Variants in ANKIB1 observed in about 807,000 individuals in gnomAD.
ANKIB1 encodes the protein ankyrin repeat and IBR domain containing 1, also known as ankyrin repeat and IBR domain-containing protein 1.
Under a neutral mutation model 122.1 loss-of-function variants are expected in ANKIB1, and 43 were observed. The observed-to-expected ratio is 0.35, with a 90% CI of 0.28 to 0.45. ANKIB1 has a LOEUF of 0.45. Among genes scored for constraint, ANKIB1 ranks in the 20% least tolerant of loss-of-function variants. ANKIB1 has a pLI of 1.00. For synonymous variants in ANKIB1, 390 were observed against 442.0 expected (o/e 0.88, Z 1.48); for missense variants, 992 against 1,329.5 (o/e 0.75, Z 3.95).
In ANKIB1 at chr7:92,307,557, C is replaced by T; in HGVS notation, c.387C>T (p.Asp129=). The change falls in exon 3 of 20, where the codon GAC becomes GAT. Residue 129 remains aspartate (D), a synonymous_variant. Coordinates refer to ENST00000265742, the MANE Select transcript of ANKIB1 (RefSeq NM_019004.2). The stretch of plus-strand genomic sequence containing the variant: ...TAAAATGGAAAGGAGCAAAACTTGA[C>T]CAGGGTGAATATGAGAGAGCAGCTA... ...MILKWKGAKL[D]QGEYERAAID... is the part of the protein sequence containing the mutation. 1 of 1,613,636 alleles carries T rather than the reference C, an allele frequency of 6.2e-7. No homozygotes were observed. The highest frequency in any genetic ancestry group is 8.5e-7 in the Non-Finnish European group (1 of 1,179,854).
intron 18 of ANKIB1, among the ~76,000 whole-genome samples, chr7:92,397,119 T>G (rs1804914994): frequency 6.6e-6 from 1 of 152,164 alleles, no homozygotes; most frequent in Non-Finnish European, 1.5e-5. Context: ...TTATTAGTTA[T>G]TGCTTAACAA....
At chr7:92,356,151 C>A (rs1803808209) in intron 9 of ANKIB1, among the ~76,000 whole-genome samples, 1 of 152,116 alleles carries the variant, frequency 6.6e-6, no homozygotes, top group Non-Finnish European at 1.5e-5. Context: ...TCAATACCTA[C>A]TTCTTTATTC....
chr7:92,358,364 A>G (rs916493646), intron 9 of ANKIB1, among the ~76,000 whole-genome samples: 11 of 152,108 alleles, frequency 7.2e-5, no homozygotes, highest in African/African-American at 2.7e-4. Flanking sequence ...AACTGTACCA[A>G]CCAGTTATAA....
intron 15 of ANKIB1, 82 bp downstream of exon 15, chr7:92,390,198 TTTAATGTGGA>T: frequency 9.4e-7 from 1 of 1,066,494 alleles, no homozygotes; most frequent in Non-Finnish European, 1.3e-6. Context: ...ACTTGTTTTA[TTTAATGTGGA>T]CATGATTACT....
At chr7:92,380,050 C>G (rs1323443181) in intron 11 of ANKIB1, among the ~76,000 whole-genome samples, 1 of 152,212 alleles carries the variant, frequency 6.6e-6, no homozygotes, top group East Asian at 1.9e-4. Flanking sequence ...ATAAACACTG[C>G]TCTTTTCCAA....
Position 92,295,061 on chromosome 7 carries a change from C to G in ANKIB1, c.83C>G (p.Pro28Arg). 6.2e-7 allele frequency: 1 copy of G among 1,600,330 alleles called. No individual in the cohort carries two copies. The highest frequency in any genetic ancestry group is 8.5e-7 in the Non-Finnish European group (1 of 1,173,192). The change falls in exon 2 of 20, where the codon CCT (proline) becomes CGT (arginine). Residue 28 changes from proline to arginine, a missense_variant. By Grantham distance (103) the Pro-to-Arg change is moderately radical. Around this residue, in one of 4 missense-constraint regions of ANKIB1, gnomAD observed 54 missense variants for 112.3 expected, o/e 0.48. Coordinates refer to ENST00000265742, the MANE Select transcript of ANKIB1 (RefSeq NM_019004.2). ...NLACQIYENN[P>R]QLKESLDPNT... ...GCCTGCCAAATATATGAAAACAATC[C>G]TCAGCTAAAAGAATCTCTTGATCCA...
At chr7:92,351,232 G>C in intron 8 of ANKIB1, 138 bp downstream of exon 8, 1 of 723,648 alleles carries the variant, frequency 1.4e-6, no homozygotes, top group South Asian at 3.8e-5. Context: ...TATCAGAAAA[G>C]TTGCTTAAAG....
Position 92,389,932 on chromosome 7 carries a change from T to C in ANKIB1, c.1907-39T>C, listed in dbSNP as rs372540005. 83 of 1,556,872 alleles carry C rather than the reference T, an allele frequency of 5.3e-5. No individual in the cohort carries two copies. The African/African-American group carries it at 1.1e-3, about 21-fold the overall frequency. On this transcript the variant is annotated intron_variant, in intron 14 of 19. Coordinates refer to ENST00000265742, the MANE Select transcript of ANKIB1 (RefSeq NM_019004.2). ...TTAATTAATATTATAAATGGCATAT[T>C]TGCAAAAACAAATTCACTGTGCCTC...
At chr7:92,351,698 A>G (rs977879350) in intron 8 of ANKIB1, among the ~76,000 whole-genome samples, 5 of 150,316 alleles carry the variant, frequency 3.3e-5, no homozygotes, top group Non-Finnish European at 5.9e-5. Context: ...CTTTTAAAAG[A>G]CAAGTCCTCC....
chr7:92,247,047 C>G (rs1030911315), intron 1 of ANKIB1, among the ~76,000 whole-genome samples: 1 of 152,212 alleles, frequency 6.6e-6, no homozygotes, highest in African/African-American at 2.4e-5. Flanking sequence ...TATGTATGAG[C>G]TGTTTTTCTG....
intron 9 of ANKIB1, among the ~76,000 whole-genome samples, chr7:92,359,117 A>G (rs187921004): frequency 1.3e-5 from 2 of 152,330 alleles, no homozygotes; most frequent in Non-Finnish European, 2.9e-5. Context: ...ACATGTGCAG[A>G]ACATGCAGTT....
At chr7:92,321,660 T>C (rs1053720107) in intron 4 of ANKIB1, among the ~76,000 whole-genome samples, 4 of 152,216 alleles carry the variant, frequency 2.6e-5, no homozygotes, top group African/African-American at 9.6e-5. Flanking sequence ...AAAGGTATTA[T>C]GTAACTACTG....
chr7:92,249,327 A>G (rs1266520075), intron 1 of ANKIB1, among the ~76,000 whole-genome samples: 1 of 152,144 alleles, frequency 6.6e-6, no homozygotes, highest in African/African-American at 2.4e-5. Context: ...TTACCAGTCT[A>G]GATATTTGAC....
At chr7:92,371,910 C>T (rs1804263505) in intron 11 of ANKIB1, among the ~76,000 whole-genome samples, 1 of 151,286 alleles carries the variant, frequency 6.6e-6, no homozygotes, top group Non-Finnish European at 1.5e-5. Context: ...TAGTCACCTT[C>T]CCCGCTAGTC....
intron 10 of ANKIB1, among the ~76,000 whole-genome samples, chr7:92,365,497 A>G (rs1157502575): frequency 6.6e-6 from 1 of 152,236 alleles, no homozygotes; most frequent in African/African-American, 2.4e-5. Flanking sequence ...CTGTGCAGAC[A>G]GGAGTCCAAA....
rs1490843532 is a variant in ANKIB1 at position 92,347,646 on chromosome 7, AATT to A, written c.1085+2587_1085+2589del. ...TCGATCAATCGACAGATTAGATAGA[AATT>A]ATTATTTTCTAGCCAGACTAGAATT... is the stretch of plus-strand genomic sequence containing the variant. On this transcript the variant is annotated intron_variant, in intron 7 of 19. Coordinates refer to ENST00000265742, the MANE Select transcript of ANKIB1 (RefSeq NM_019004.2). Among the ~76,000 whole-genome samples the A allele has an allele frequency of 2.6e-5, 4 of 152,216 alleles. No individual in the cohort carries two copies. The East Asian group carries it at 7.7e-4, about 29-fold the overall frequency.
intron 9 of ANKIB1, among the ~76,000 whole-genome samples, chr7:92,360,073 C>T (rs1032267215): frequency 4.0e-5 from 6 of 150,334 alleles, no homozygotes; most frequent in Non-Finnish European, 9.0e-5. Flanking sequence ...GCAATTGGTG[C>T]ATTTTTTTTT....
intron 9 of ANKIB1, among the ~76,000 whole-genome samples, chr7:92,353,357 A>T (rs1313482192): frequency 1.3e-5 from 2 of 152,202 alleles, no homozygotes; most frequent in Admixed American, 6.5e-5. Flanking sequence ...AAGGATATGT[A>T]ACTCTGAATA....
intron 7 of ANKIB1, among the ~76,000 whole-genome samples, chr7:92,349,763 G>T (rs1384684468): frequency 6.6e-6 from 1 of 152,092 alleles, no homozygotes; most frequent in Non-Finnish European, 1.5e-5. Context: ...ACCCTGGGAA[G>T]TTCATATTAT....
Sources: gnomAD v4.1 joint callset for allele counts (sites outside exome capture counted in the v4.1 genomes callset) on GRCh38, gnomAD v4.1.1 for gene constraint, gnomAD v4.1.1 regional missense constraint, MANE v1.5 for transcripts, NCBI Gene and HGNC (gene_info 2026-07-23, HGNC 2026-07-21) for gene names.